Variants in ZNF536 observed in about 807,000 individuals in gnomAD.
ZNF536 encodes the protein zinc finger protein 536.
ZNF536 carries 13 observed loss-of-function variants against 84.5 expected under a neutral mutation model. The ratio of observed to expected loss-of-function variants is 0.15; its 90% CI spans 0.10 to 0.24. The LOEUF is 0.24. ZNF536 is among the 10% of genes least tolerant of loss of function. ZNF536 has a pLI of 1.00. For missense variants in ZNF536, 1,536 were observed against 1,747.5 expected (o/e 0.88, Z 2.16); for synonymous variants, 811 against 742.5 (o/e 1.09, Z -1.50).
exon 2 of ZNF536, chr19:30,712,138 G>A (rs541703461): frequency 6.6e-6 from 1 of 152,166 alleles, no homozygotes; most frequent in East Asian, 1.9e-4. Context: ...TAAAACAAAT[G>A]TGTTCTATAT....
intron 1 of ZNF536, among the ~76,000 whole-genome samples, chr19:30,639,196 G>T (rs1285071318): frequency 6.6e-6 from 1 of 152,192 alleles, no homozygotes; most frequent in African/African-American, 2.4e-5. Flanking sequence ...CCTTTTGACT[G>T]TATGAGAACT....
rs192186423 is a variant in ZNF536 at position 30,468,227 on chromosome 19, A to G, written c.2170+22495A>G. The stretch of plus-strand genomic sequence containing the variant: ...AAACAGAATCTCTGTCTCACTCCCC[A>G]ACCCAGCCTAGGTTAATGCTGAGAC... On this transcript the variant is annotated intron_variant, in intron 2 of 4. Coordinates refer to ENST00000355537, the MANE Select transcript of ZNF536 (RefSeq NM_014717.3). 2.0e-3 allele frequency among the ~76,000 whole-genome samples: 309 copies of G among 152,318 alleles called. 2 individuals carry two copies. Among genetic ancestry groups the G allele is most frequent in the African/African-American group, 7.0e-3 (293 of 41,576 alleles).
chr19:30,245,578 A>G (rs979576740), intron 1 of ZNF536, among the ~76,000 whole-genome samples: 1 of 152,242 alleles, frequency 6.6e-6, no homozygotes, highest in Non-Finnish European at 1.5e-5. Flanking sequence ...CCTTTGTTCC[A>G]TTGTTAGAGA....
intron 1 of ZNF536, among the ~76,000 whole-genome samples, chr19:30,700,242 C>CTTTCTT (rs57308094): frequency 1.9e-5 from 2 of 104,390 alleles, no homozygotes; most frequent in African/African-American, 3.9e-5. Context: ...CTTTCTTTCT[C>CTTTCTT]TCTCTCTCTC....
chr19:30,498,881 G>T (rs772446186), intron 2 of ZNF536, among the ~76,000 whole-genome samples: 1 of 152,138 alleles, frequency 6.6e-6, no homozygotes, highest in Non-Finnish European at 1.5e-5. Flanking sequence ...TAGGCAGCGA[G>T]CATGCAGCGA....
At chr19:30,539,999 G>A (rs1398914644) in intron 3 of ZNF536, among the ~76,000 whole-genome samples, 1 of 152,204 alleles carries the variant, frequency 6.6e-6, no homozygotes, top group African/African-American at 2.4e-5. Flanking sequence ...AATCTCATTA[G>A]TTTCTTCTCC....
chr19:30,531,319 T>C (rs1488129823), intron 2 of ZNF536, among the ~76,000 whole-genome samples: 1 of 152,170 alleles, frequency 6.6e-6, no homozygotes, highest in Non-Finnish European at 1.5e-5. Flanking sequence ...TTCTGCAAAA[T>C]GTTCCACAGT....
chr19:30,285,348 T>G (rs767024787), intron 2 of ZNF536, among the ~76,000 whole-genome samples: 2 of 152,184 alleles, frequency 1.3e-5, no homozygotes, highest in Non-Finnish European at 2.9e-5. Context: ...CTGTAGGCCC[T>G]GTTGTGATTT....
intron 1 of ZNF536, among the ~76,000 whole-genome samples, chr19:30,702,259 C>G (rs1229950566): frequency 6.6e-6 from 1 of 152,246 alleles, no homozygotes; most frequent in Non-Finnish European, 1.5e-5. Context: ...TCTCCTTACT[C>G]CTCTTGACCC....
Position 30,557,144 on chromosome 19 carries a change from C to G in ZNF536, c.3896-13C>G, listed in dbSNP as rs2146370981. 1 of 1,613,498 alleles carries G rather than the reference C, an allele frequency of 6.2e-7. No homozygotes were observed. Among genetic ancestry groups the G allele is most frequent in the South Asian group, 1.1e-5 (1 of 90,948 alleles). On this transcript the variant is annotated splice_polypyrimidine_tract_variant and intron_variant, in intron 4 of 4. Transcript: ENST00000355537. Reference sequence around the variant, plus strand: ...TTCTGGATTATTTAATAAATCTGCACATTTTCTTGCAGGTAAGTGACACTC... The same window carrying G: ...TTCTGGATTATTTAATAAATCTGCAGATTTTCTTGCAGGTAAGTGACACTC...
chr19:30,280,900 G>C (rs1804890835), intron 1 of ZNF536, among the ~76,000 whole-genome samples: 1 of 152,202 alleles, frequency 6.6e-6, no homozygotes, highest in East Asian at 1.9e-4. Flanking sequence ...GGACAGAGGG[G>C]CCCGTGCAGG....
At chr19:30,547,299 A>G (rs2045594551) in intron 3 of ZNF536, among the ~76,000 whole-genome samples, 2 of 152,206 alleles carry the variant, frequency 1.3e-5, no homozygotes, top group African/African-American at 4.8e-5. Context: ...AATGGTATTA[A>G]TATTTTATAG....
intron 1 of ZNF536, among the ~76,000 whole-genome samples, chr19:30,569,835 G>A (rs888097947): frequency 6.6e-6 from 1 of 152,024 alleles, no homozygotes; most frequent in Non-Finnish European, 1.5e-5. Context: ...GCCTCCTAAA[G>A]AGCTGGGATT....
At chr19:30,620,553 C>A (rs2048447314) in intron 1 of ZNF536, among the ~76,000 whole-genome samples, 1 of 152,108 alleles carries the variant, frequency 6.6e-6, no homozygotes, top group Admixed American at 6.6e-5. Flanking sequence ...TCTGTGGGCA[C>A]CCTCCCTCCT....
chr19:30,375,237 C>T (rs1450798322), intron 1 of ZNF536, among the ~76,000 whole-genome samples: 1 of 148,870 alleles, frequency 6.7e-6, no homozygotes, highest in East Asian at 2.0e-4. Context: ...CCGAGCGCTG[C>T]CCCCGCCGGC....
chr19:30,300,343 G>T (rs1844822206), intron 2 of ZNF536: 2 of 152,004 alleles, frequency 1.3e-5, no homozygotes, highest in Admixed American at 1.3e-4. Context: ...TTATTTCCTG[G>T]GGTCTCTTTG....
At chr19:30,380,022 C>G (rs2048962446) in intron 1 of ZNF536, among the ~76,000 whole-genome samples, 1 of 152,138 alleles carries the variant, frequency 6.6e-6, no homozygotes, top group South Asian at 2.1e-4. Context: ...GGAGCAGGGA[C>G]TTCTGAGCCC....
At chr19:30,386,576 G>A (rs2049350913) in intron 1 of ZNF536, among the ~76,000 whole-genome samples, 1 of 152,152 alleles carries the variant, frequency 6.6e-6, no homozygotes, top group East Asian at 1.9e-4. Flanking sequence ...GGGGGTCTCA[G>A]TATGTTCCCC....
At chr19:30,274,255 A>G (rs1054912148) in intron 1 of ZNF536, among the ~76,000 whole-genome samples, 1 of 152,230 alleles carries the variant, frequency 6.6e-6, no homozygotes, top group Non-Finnish European at 1.5e-5. Context: ...GTATGACCAA[A>G]TTTGACTGTC....
Sources: allele counts gnomAD v4.1 joint callset (sites outside exome capture counted in the v4.1 genomes callset), GRCh38; gene constraint gnomAD v4.1.1; transcripts MANE v1.5; gene names NCBI Gene and HGNC (gene_info 2026-07-23, HGNC 2026-07-21).